Variants in NFIB observed in about 807,000 individuals in gnomAD.
The protein encoded by NFIB is nuclear factor I B.
A neutral mutation model predicts 61.5 loss-of-function variants in NFIB; 11 were observed. The observed-to-expected ratio is 0.18, with a 90% CI of 0.11 to 0.30. The LOEUF (loss-of-function observed/expected upper bound fraction) is 0.30, where lower values mean the gene tolerates loss of function less well. Ranked by LOEUF, NFIB falls within the 10% of genes least tolerant of loss-of-function variation. NFIB has a pLI of 1.00. For synonymous variants in NFIB, 260 were observed against 216.5 expected, an observed-to-expected ratio of 1.20 and a Z score of -1.76; for missense variants, 471 against 608.9, an observed-to-expected ratio of 0.77 and a Z score of 2.38.
rs181298929 is a variant in NFIB at position 14,359,427 on chromosome 9, G to A, written c.108+39097C>T. On this transcript the variant is annotated intron_variant, in intron 1 of 8. Transcript: ENST00000380934. Reference sequence around the variant, plus strand: ...TGAGGAAGCAATGGCCACACAGGCCGAGATTGCAGTGATGTGGCCGGAAAC... The same window carrying A: ...TGAGGAAGCAATGGCCACACAGGCCAAGATTGCAGTGATGTGGCCGGAAAC... Among the ~76,000 whole-genome samples, 867 of 152,290 alleles carry A rather than the reference G, an allele frequency of 5.7e-3. 7 individuals carry two copies. The highest frequency in any genetic ancestry group is 7.9e-3 in the Admixed American group (121 of 15,298).
chr9:14,151,332 C>T (rs1348012845), intron 4 of NFIB, among the ~76,000 whole-genome samples: 18 of 152,086 alleles, frequency 1.2e-4, no homozygotes, highest in Admixed American at 1.1e-3. Flanking sequence ...TATAAATGAA[C>T]CTGTTCGCTG....
chr9:14,365,625 T>G (rs1186580430), intron 1 of NFIB, among the ~76,000 whole-genome samples: 2 of 152,248 alleles, frequency 1.3e-5, no homozygotes, highest in African/African-American at 2.4e-5. Context: ...CAGAAATAGA[T>G]TCTTATACCT....
intron 1 of NFIB, among the ~76,000 whole-genome samples, chr9:14,371,592 C>T (rs571878902): frequency 3.3e-5 from 5 of 152,188 alleles, no homozygotes; most frequent in Non-Finnish European, 7.4e-5. Flanking sequence ...CACAGAAACA[C>T]TTAGTTTGCC....
the NFIB span, among the ~76,000 whole-genome samples, chr9:14,436,667 C>T: frequency 6.6e-6 from 1 of 152,192 alleles, no homozygotes; most frequent in Non-Finnish European, 1.5e-5. Context: ...TTTCTGATGG[C>T]ATTTGCAACT....
At chr9:14,167,083 C>CGGGGGGG (rs71491636) in intron 3 of NFIB, among the ~76,000 whole-genome samples, 1 of 104,552 alleles carries the variant, frequency 9.6e-6, no homozygotes, top group Non-Finnish European at 2.0e-5. Flanking sequence ...GTGTGTGTGT[C>CGGGGGGG]GGGGGGGGGG....
At chr9:14,200,816 T>C (rs2048957474) in intron 2 of NFIB, among the ~76,000 whole-genome samples, 2 of 152,196 alleles carry the variant, frequency 1.3e-5, no homozygotes, top group Admixed American at 1.3e-4. Flanking sequence ...TTACAAATAC[T>C]ACCCGTTTTT....
intron 1 of NFIB, among the ~76,000 whole-genome samples, chr9:14,327,562 C>T (rs1029141840): frequency 6.6e-6 from 1 of 152,122 alleles, no homozygotes; most frequent in African/African-American, 2.4e-5. Flanking sequence ...TCTCTGCATT[C>T]GTGATATGAA....
chr9:14,338,924 A>G (rs2060917271), intron 1 of NFIB, among the ~76,000 whole-genome samples: 1 of 149,242 alleles, frequency 6.7e-6, no homozygotes, highest in South Asian at 2.1e-4. Flanking sequence ...TACTGTCACC[A>G]ATCACGTTAA....
chr9:14,222,787 T>C (rs1372056639), intron 2 of NFIB, among the ~76,000 whole-genome samples: 1 of 31,718 alleles, frequency 3.2e-5, no homozygotes, highest in East Asian at 4.2e-4. Flanking sequence ...CAGAGTAAGA[T>C]CCTGTCTCAA....
At chr9:14,324,411 T>A (rs188913135) in intron 1 of NFIB, among the ~76,000 whole-genome samples, 2 of 152,168 alleles carry the variant, frequency 1.3e-5, no homozygotes, top group African/African-American at 4.8e-5. Flanking sequence ...AACACTTGCA[T>A]GGGCAGTGTT....
At chr9:14,135,084 A>G (rs2040887027) in intron 6 of NFIB, among the ~76,000 whole-genome samples, 1 of 152,158 alleles carries the variant, frequency 6.6e-6, no homozygotes, top group African/African-American at 2.4e-5. Flanking sequence ...GCATATATAC[A>G]ATGAAATACT....
chr9:14,098,231 C>T (rs976975687), intron 10 of NFIB, among the ~76,000 whole-genome samples: 12 of 152,056 alleles, frequency 7.9e-5, no homozygotes, highest in Admixed American at 2.6e-4. Flanking sequence ...TGGTAACACG[C>T]GCATGTTTAT....
chr9:14,531,588 C>G, the NFIB span, among the ~76,000 whole-genome samples: 1 of 151,606 alleles, frequency 6.6e-6, no homozygotes, highest in Non-Finnish European at 1.5e-5. Context: ...AATGCAAGAA[C>G]AATTAGCCAA....
intron 1 of NFIB, among the ~76,000 whole-genome samples, chr9:14,376,853 T>G (rs1337184494): frequency 6.6e-6 from 1 of 152,006 alleles, no homozygotes; most frequent in African/African-American, 2.4e-5. Flanking sequence ...AGAGAGAAAG[T>G]TATTACTCAT....
At chr9:14,316,977 A>T (rs1220183774), upstream of NFIB, 1 of 151,970 alleles carries the variant, frequency 6.6e-6, no homozygotes, top group Non-Finnish European at 1.5e-5. Flanking sequence ...TTAAAAATCG[A>T]GCGCCCATCT....
intron 1 of NFIB, among the ~76,000 whole-genome samples, chr9:14,331,283 A>G (rs1387156621): frequency 6.6e-6 from 1 of 152,176 alleles, no homozygotes; most frequent in Non-Finnish European, 1.5e-5. Context: ...AGGTCATTCT[A>G]ATTCCCAAGC....
At chr9:14,317,102 C>T (rs950495232), upstream of NFIB, 4 of 152,130 alleles carry the variant, frequency 2.6e-5, no homozygotes, top group African/African-American at 9.7e-5. Flanking sequence ...CAGCCGTTGT[C>T]CCCTGGCAAA....
intron 1 of NFIB, among the ~76,000 whole-genome samples, chr9:14,375,147 G>C (rs1448446058): frequency 6.6e-6 from 1 of 152,148 alleles, no homozygotes; most frequent in Non-Finnish European, 1.5e-5. Flanking sequence ...CCCAACATAA[G>C]AGAAACTCTA....
chr9:14,278,491 A>G (rs555298041), intron 2 of NFIB, among the ~76,000 whole-genome samples: 1 of 152,352 alleles, frequency 6.6e-6, no homozygotes, highest in East Asian at 1.9e-4. Flanking sequence ...CAAAAGCAAC[A>G]GTGTACAGAA....
Sources: allele counts gnomAD v4.1 joint callset (sites outside exome capture counted in the v4.1 genomes callset), GRCh38; gene constraint gnomAD v4.1.1; transcripts MANE v1.5; gene names NCBI Gene and HGNC (gene_info 2026-07-23, HGNC 2026-07-21).